The following EXOC6B variants were observed in gnomAD, a reference collection of about 807,000 sequenced individuals.
EXOC6B encodes the protein SEC15 homolog B.
EXOC6B carries 54 observed loss-of-function variants against 113.5 expected under a neutral mutation model. The ratio of observed to expected loss-of-function variants is 0.48; its 90% CI spans 0.38 to 0.60. The LOEUF (loss-of-function observed/expected upper bound fraction) is 0.60, where lower values mean the gene tolerates loss of function less well. Ranked by LOEUF, EXOC6B falls within the 20% of genes least tolerant of loss-of-function variation. The pLI is 0.00. For missense variants in EXOC6B, 797 were observed against 977.5 expected (o/e 0.82, Z 2.46); for synonymous variants, 357 against 339.0 (o/e 1.05, Z -0.58).
intron 12 of EXOC6B, 43 bp from the exon 13 acceptor site, chr2:72,498,594 G>GTT: frequency 8.3e-6 from 8 of 966,060 alleles, no homozygotes; most frequent in South Asian, 1.7e-5. Flanking sequence ...TAAGGAAGGA[G>GTT]TTTTTTTTTC....
At chr2:72,716,684 A>T (rs918048174) in intron 6 of EXOC6B, among the ~76,000 whole-genome samples, 4 of 152,114 alleles carry the variant, frequency 2.6e-5, no homozygotes, top group African/African-American at 9.7e-5. Flanking sequence ...TGACCTTTAC[A>T]AGGTATTTGA....
chr2:72,498,107 T>C (rs1700132541), intron 13 of EXOC6B, among the ~76,000 whole-genome samples: 1 of 152,186 alleles, frequency 6.6e-6, no homozygotes, highest in Non-Finnish European at 1.5e-5. Context: ...AGACTAGGCA[T>C]GAACCTCAAA....
At chr2:72,691,557 C>G (rs142087539) in intron 6 of EXOC6B, among the ~76,000 whole-genome samples, 32 of 151,900 alleles carry the variant, frequency 2.1e-4, no homozygotes, top group African/African-American at 7.0e-4. Context: ...AACTTTTATT[C>G]TATTTCTCAT....
chr2:72,597,650 G>C (rs1453643667), intron 6 of EXOC6B, among the ~76,000 whole-genome samples: 6 of 151,900 alleles, frequency 3.9e-5, no homozygotes, highest in African/African-American at 1.2e-4. Context: ...GAGATGGAAA[G>C]AGTGGATAAA....
intron 18 of EXOC6B, among the ~76,000 whole-genome samples, chr2:72,397,631 A>AAAT (rs1692820918): frequency 8.7e-6 from 1 of 115,158 alleles, no homozygotes; most frequent in African/African-American, 4.9e-5. Context: ...AAAAAAAAAT[A>AAAT]AAATAAAATA....
chr2:72,439,062 C>G (rs1234639605), intron 18 of EXOC6B, among the ~76,000 whole-genome samples: 1 of 152,102 alleles, frequency 6.6e-6, no homozygotes, highest in Non-Finnish European at 1.5e-5. Context: ...CCTTGGGTAT[C>G]TTACTTAATT....
At chr2:72,635,671 A>G (rs1282282229) in intron 6 of EXOC6B, among the ~76,000 whole-genome samples, 1 of 152,214 alleles carries the variant, frequency 6.6e-6, no homozygotes, top group African/African-American at 2.4e-5. Flanking sequence ...CTTTTCCAGA[A>G]AGCAGAAGAG....
At chr2:72,714,110 C>T (rs1042811152) in intron 6 of EXOC6B, among the ~76,000 whole-genome samples, 1 of 152,134 alleles carries the variant, frequency 6.6e-6, no homozygotes, top group Non-Finnish European at 1.5e-5. Context: ...GGGACATGCA[C>T]TTTGGTATTT....
rs187927194 is a variant in EXOC6B at position 72,513,605 on chromosome 2, A to C, written c.1047-353T>G. Among the ~76,000 whole-genome samples the C allele has an allele frequency of 2.6e-5, 4 of 152,070 alleles. No homozygotes were observed. In the East Asian group the frequency reaches 7.7e-4, roughly 29 times the overall value. ...AATACCCAGCCATCAATGCATTTCAAAAAAACAAATTTTAAAGAGATCATA... is the reference window on the plus strand; with the variant it reads ...AATACCCAGCCATCAATGCATTTCACAAAAACAAATTTTAAAGAGATCATA... On this transcript the variant is annotated intron_variant, in intron 10 of 21. Transcript: ENST00000272427.
intron 6 of EXOC6B, among the ~76,000 whole-genome samples, chr2:72,620,687 A>T (rs554173610): frequency 7.2e-5 from 11 of 152,120 alleles, no homozygotes; most frequent in African/African-American, 2.4e-4. Context: ...GCTTCCATAC[A>T]GCAAAAGAAA....
At chr2:72,707,104 CAG>C (rs1468905661) in intron 6 of EXOC6B, among the ~76,000 whole-genome samples, 4 of 152,164 alleles carry the variant, frequency 2.6e-5, no homozygotes, top group African/African-American at 9.7e-5. Flanking sequence ...GTCTTGGGGA[CAG>C]AGTCAAATCA....
At chr2:72,406,314 GA>G (rs1693760109) in intron 18 of EXOC6B, among the ~76,000 whole-genome samples, 1 of 151,942 alleles carries the variant, frequency 6.6e-6, no homozygotes. Flanking sequence ...AGTTAACAAG[GA>G]TATCCAGGAA....
intron 20 of EXOC6B, among the ~76,000 whole-genome samples, chr2:72,231,805 T>C (rs1340197755): frequency 6.6e-6 from 1 of 152,148 alleles, no homozygotes; most frequent in East Asian, 1.9e-4. Flanking sequence ...AATATATATA[T>C]ATGTGCTTAT....
intron 20 of EXOC6B, among the ~76,000 whole-genome samples, chr2:72,188,045 C>T (rs1473606891): frequency 6.6e-6 from 1 of 152,186 alleles, no homozygotes; most frequent in Admixed American, 6.5e-5. Flanking sequence ...GTGGCTGCAG[C>T]TGTGCTGGGG....
chr2:72,675,384 T>C (rs546030005), intron 6 of EXOC6B, among the ~76,000 whole-genome samples: 6 of 152,366 alleles, frequency 3.9e-5, no homozygotes, highest in African/African-American at 1.2e-4. Flanking sequence ...TAAATGACTG[T>C]GCAAACTGGA....
intron 8 of EXOC6B, among the ~76,000 whole-genome samples, chr2:72,533,313 G>A: frequency 6.6e-6 from 1 of 152,148 alleles, no homozygotes; most frequent in Non-Finnish European, 1.5e-5. Flanking sequence ...ATTTTCCCAA[G>A]CAAGTCAGGT....
intron 1 of EXOC6B, among the ~76,000 whole-genome samples, chr2:72,746,784 T>A (rs557911380): frequency 6.6e-6 from 1 of 152,164 alleles, no homozygotes; most frequent in South Asian, 2.1e-4. Context: ...ACTTGCCAAC[T>A]TCACATAGCT....
At chr2:72,341,026 G>T (rs1269718432) in intron 19 of EXOC6B, among the ~76,000 whole-genome samples, 1 of 152,156 alleles carries the variant, frequency 6.6e-6, no homozygotes, top group African/African-American at 2.4e-5. Context: ...GGTGGAGGTG[G>T]AAGGGAAAAG....
chr2:72,505,607 T>C lies in EXOC6B; in HGVS notation c.1168-5635A>G, dbSNP rs1450743764. ...AAACTATTGAAATTTTGATTGACAC[T>C]AAATTAAATCTATAGGTCAATTTTG... On this transcript the variant is annotated intron_variant, in intron 11 of 21. Transcript: ENST00000272427. Among the ~76,000 whole-genome samples, 3 of 152,188 alleles carry C rather than the reference T, an allele frequency of 2.0e-5. No individual in the cohort carries two copies. In the East Asian group the frequency reaches 5.8e-4, roughly 29 times the overall value.
Sources: allele counts gnomAD v4.1 joint callset (sites outside exome capture counted in the v4.1 genomes callset), GRCh38; gene constraint gnomAD v4.1.1; transcripts MANE v1.5; gene names NCBI Gene and HGNC (gene_info 2026-07-23, HGNC 2026-07-21).